Variants in ELF5 observed in about 807,000 individuals in gnomAD.
ELF5 encodes the protein ETS-related transcription factor Elf-5.
A neutral mutation model predicts 38.2 loss-of-function variants in ELF5; 31 were observed. That is an observed-to-expected ratio of 0.81 (90% CI 0.61 to 1.10). The LOEUF (loss-of-function observed/expected upper bound fraction) is 1.10. ELF5 is among the 50% of genes least tolerant of loss of function. The probability of loss-of-function intolerance (pLI) is 0.00; values close to 1 mark genes in which losing one functional copy is unlikely to be tolerated. For synonymous variants in ELF5, 121 were observed against 112.5 expected (o/e 1.08, Z -0.48); for missense variants, 300 against 306.6 (o/e 0.98, Z 0.16).
At position 34,493,713 on chromosome 11, in the gene ELF5, C is replaced by A; in HGVS notation, c.122-1G>T. 1 of 1,612,814 alleles carries A rather than the reference C, an allele frequency of 6.2e-7. No individual in the cohort carries two copies. The highest frequency in any genetic ancestry group is 8.5e-7 in the Non-Finnish European group (1 of 1,178,900). The stretch of plus-strand genomic sequence containing the variant: ...ACTGATGTCCAGTATGAGTCACAGG[C>A]TGCACCAAAGGAGAAAGAAGTGAGG... On this transcript the variant is annotated splice_acceptor_variant, in intron 2 of 6. Coordinates refer to ENST00000257832, the MANE Select transcript of ELF5 (RefSeq NM_001422.4). LOFTEE classifies it high-confidence loss of function.
Position 34,507,765 on chromosome 11 carries a change from G to A in ELF5, c.-4-2012C>T, listed in dbSNP as rs541071582. ...ATTCTTGAAATAATGTTGACATAGA[G>A]TAGTTCTTTCCTCGTTTTGCAAAGG... On this transcript the variant is annotated intron_variant, in intron 1 of 6. Coordinates refer to ENST00000257832, the MANE Select transcript of ELF5 (RefSeq NM_001422.4). Among the ~76,000 whole-genome samples, 15 of 152,332 alleles carry A rather than the reference G, an allele frequency of 9.8e-5. No homozygotes were observed. The South Asian group carries it at 2.5e-3, about 25-fold the overall frequency.
At chr11:34,506,572 G>C (rs547483704) in intron 1 of ELF5, among the ~76,000 whole-genome samples, 1 of 152,230 alleles carries the variant, frequency 6.6e-6, no homozygotes, top group South Asian at 2.1e-4. Context: ...GGAGTGTAGT[G>C]GTGTGATCTA....
At chr11:34,489,892 A>C in intron 4 of ELF5, 117 bp downstream of exon 4, 1 of 1,240,394 alleles carries the variant, frequency 8.1e-7, no homozygotes, top group Non-Finnish European at 1.2e-6. Context: ...TGCTTTCTCC[A>C]GGTCTGGGAT....
At position 34,480,224 on chromosome 11, in the gene ELF5, C is replaced by A; in HGVS notation, c.762G>T (p.Lys254Asn). ...GCTTGATGCCTGGAGCAGATCATAGCTTGTCTTCCTGCCACCCGTGTGCAT... is the reference window on the plus strand; with the variant it reads ...GCTTGATGCCTGGAGCAGATCATAGATTGTCTTCCTGCCACCCGTGTGCAT... ...GKNAHGWQED[K>N]L Residue 254 changes from lysine (K) to asparagine (N), a missense_variant, in exon 7 of 7, where the codon AAG becomes AAT. Lys to Asn is a moderately conservative substitution (Grantham distance 94, BLOSUM62 0). Transcript: ENST00000257832. 1 of 1,613,858 alleles carries A rather than the reference C, an allele frequency of 6.2e-7. No individual in the cohort carries two copies. Among genetic ancestry groups the A allele is most frequent in the Non-Finnish European group, 8.5e-7 (1 of 1,179,776 alleles).
intron 3 of ELF5, 44 bp downstream of exon 3, chr11:34,493,435 A>G: frequency 1.3e-6 from 2 of 1,576,626 alleles, no homozygotes; most frequent in Non-Finnish European, 1.7e-6. Context: ...GTTTGGTCCT[A>G]ATCCTGGTCC....
chr11:34,484,298 A>G (rs1857014385), intron 4 of ELF5, among the ~76,000 whole-genome samples: 1 of 151,632 alleles, frequency 6.6e-6, no homozygotes, highest in South Asian at 2.1e-4. Context: ...ACTGTACTAT[A>G]CTATACTAAC....
At chr11:34,490,251 C>T (rs1850130718) in intron 3 of ELF5, among the ~76,000 whole-genome samples, 192 bp from the exon 4 acceptor site, 1 of 152,076 alleles carries the variant, frequency 6.6e-6, no homozygotes, top group Non-Finnish European at 1.5e-5. Flanking sequence ...GTGATAATTT[C>T]CTCATTATTA....
chr11:34,505,268 C>A (rs997651602), intron 2 of ELF5, among the ~76,000 whole-genome samples: 1 of 152,138 alleles, frequency 6.6e-6, no homozygotes, highest in Admixed American at 6.6e-5. Context: ...CCACCATGAC[C>A]AAGCAAACAC....
chr11:34,497,036 T>TA (rs1399781264), intron 2 of ELF5, among the ~76,000 whole-genome samples: 1 of 151,804 alleles, frequency 6.6e-6, no homozygotes, highest in African/African-American at 2.4e-5. Flanking sequence ...CTAGAAAAAA[T>TA]AAAAAATACA....
intron 1 of ELF5, among the ~76,000 whole-genome samples, chr11:34,511,225 A>G (rs1019614207): frequency 6.6e-6 from 1 of 152,178 alleles, no homozygotes; most frequent in African/African-American, 2.4e-5. Context: ...CACTACACAC[A>G]GACTGAACTT....
intron 1 of ELF5, among the ~76,000 whole-genome samples, chr11:34,512,353 C>T (rs531285624): frequency 1.2e-4 from 19 of 152,178 alleles, no homozygotes; most frequent in African/African-American, 3.9e-4. Context: ...GAAGGTGCAG[C>T]GAAGATCCAA....
chr11:34,502,064 A>G (rs1850485662), intron 2 of ELF5, among the ~76,000 whole-genome samples: 1 of 152,206 alleles, frequency 6.6e-6, no homozygotes, highest in African/African-American at 2.4e-5. Flanking sequence ...TCCACCCAAC[A>G]GGGAGTGGTG....
At chr11:34,495,988 G>C (rs1011455298) in intron 2 of ELF5, among the ~76,000 whole-genome samples, 1 of 152,150 alleles carries the variant, frequency 6.6e-6, no homozygotes, top group East Asian at 1.9e-4. Flanking sequence ...GATGGCCATC[G>C]GTGTGCGGCC....
At position 34,482,475 on chromosome 11, in the gene ELF5, G is replaced by A. The variant is rs1856964216; in HGVS notation, c.431C>T (p.Thr144Ile). The stretch of plus-strand genomic sequence containing the variant: ...ACAGTCTTGACTTTTGATGCCACTT[G>A]TTTTCAAGCAGTTGGAATCAGCATC... Reference protein sequence around the residue: ...KDYADSNCLKTSGIKSQDCHS... With the variant: ...KDYADSNCLKISGIKSQDCHS... Residue 144 changes from threonine (T) to isoleucine (I), a missense_variant, in exon 5 of 7, where the codon ACA (threonine) becomes ATA (isoleucine). Thr to Ile is a moderately conservative substitution (Grantham distance 89). Coordinates refer to ENST00000257832, the MANE Select transcript of ELF5 (RefSeq NM_001422.4). The A allele has an allele frequency of 2.5e-6, 4 of 1,612,730 alleles. No homozygotes were observed. The highest frequency in any genetic ancestry group is 3.4e-6 in the Non-Finnish European group (4 of 1,179,714).
At chr11:34,482,336 C>T (rs1023126932) in intron 5 of ELF5, 95 bp downstream of exon 5, 3 of 1,206,928 alleles carry the variant, frequency 2.5e-6, no homozygotes, top group Non-Finnish European at 1.2e-6. Flanking sequence ...ACTGGTCCAA[C>T]TCAAACATTT....
chr11:34,505,617 AAATGTAC>A lies in ELF5; in HGVS notation c.121+5_121+11del. Reference sequence around the variant, plus strand: ...TGGCTGCACTCAGATGGGCTCCTTCAAATGTACGCACCTGTCTGATGCTCAAAGGCAG... The same window carrying A: ...TGGCTGCACTCAGATGGGCTCCTTCAGCACCTGTCTGATGCTCAAAGGCAG... On this transcript the variant is annotated splice_donor_5th_base_variant and intron_variant, in intron 2 of 6. Transcript: ENST00000257832. 6.2e-7 allele frequency: 1 copy of A among 1,613,320 alleles called. No homozygotes were observed. The highest frequency in any genetic ancestry group is 8.5e-7 in the Non-Finnish European group (1 of 1,179,548).
At chr11:34,501,847 C>T (rs1211053803) in intron 2 of ELF5, among the ~76,000 whole-genome samples, 1 of 152,084 alleles carries the variant, frequency 6.6e-6, no homozygotes, top group African/African-American at 2.4e-5. Context: ...GCTGGTTTTC[C>T]TAAATAGGCT....
At chr11:34,494,479 T>G (rs567146538) in intron 2 of ELF5, among the ~76,000 whole-genome samples, 1 of 152,268 alleles carries the variant, frequency 6.6e-6, no homozygotes, top group African/African-American at 2.4e-5. Context: ...TTGTTGTTCT[T>G]GTGTTTTTGG....
chr11:34,511,634 CAAAT>C, intron 1 of ELF5: 1 of 1,601,220 alleles, frequency 6.2e-7, no homozygotes, highest in Non-Finnish European at 8.6e-7. Context: ...GCTCACACAC[CAAAT>C]GCACACAGAG....
Sources: gnomAD v4.1 joint callset for allele counts (sites outside exome capture counted in the v4.1 genomes callset) on GRCh38, gnomAD v4.1.1 for gene constraint, MANE v1.5 for transcripts, NCBI Gene and HGNC (gene_info 2026-07-23, HGNC 2026-07-21) for gene names.